Variants in PPP1R9A observed in about 807,000 individuals in gnomAD.
PPP1R9A encodes the protein neurabin-1.
Under a neutral mutation model 141.9 loss-of-function variants are expected in PPP1R9A, and 59 were observed. That is an observed-to-expected ratio of 0.42 (90% CI 0.34 to 0.52). PPP1R9A has a LOEUF of 0.52. Among genes scored for constraint, PPP1R9A ranks in the 20% least tolerant of loss-of-function variants. PPP1R9A has a pLI of 0.10. For missense variants in PPP1R9A, 1,444 were observed against 1,611.9 expected (o/e 0.90, Z 1.78); for synonymous variants, 500 against 569.7 (o/e 0.88, Z 1.74).
In PPP1R9A at chr7:94,954,859, GTGTGTA is replaced by G. The variant is rs1254876388; in HGVS notation, c.1395+43353_1395+43358del. On this transcript the variant is annotated intron_variant, in intron 2 of 19. Coordinates refer to ENST00000433360, the MANE Select transcript of PPP1R9A (RefSeq NM_001166160.2). ...CGTGTGTGTGTGTGTGTGTGTGTGT[GTGTGTA>G]TATGTATATGTCCACATATGTTTGT... Among the ~76,000 whole-genome samples the G allele has an allele frequency of 1.2e-4, 14 of 119,246 alleles. 1 individual carries two copies. In the East Asian group the frequency reaches 4.5e-3, roughly 38 times the overall value. The allele number at this position is 119,246 out of a possible 152,430, so 78.2% of individuals were successfully genotyped here.
At chr7:95,241,938 T>G (rs1797525973) in intron 8 of PPP1R9A, among the ~76,000 whole-genome samples, 1 of 152,104 alleles carries the variant, frequency 6.6e-6, no homozygotes, top group Admixed American at 6.6e-5. Context: ...AACAAGTTTA[T>G]GAGTACCTAC....
chr7:94,923,519 T>G (rs890856352), intron 2 of PPP1R9A, among the ~76,000 whole-genome samples: 1 of 152,162 alleles, frequency 6.6e-6, no homozygotes, highest in African/African-American at 2.4e-5. Context: ...CAGTTAAAAA[T>G]AGGATTTTGA....
At chr7:94,960,910 T>C (rs1439740694) in intron 2 of PPP1R9A, among the ~76,000 whole-genome samples, 2 of 151,770 alleles carry the variant, frequency 1.3e-5, no homozygotes, top group Non-Finnish European at 3.0e-5. Context: ...ATGTATTTAA[T>C]AGAAAAGCAA....
rs1833923330 is a variant in PPP1R9A at position 95,181,964 on chromosome 7, T to C, written c.1755-16385T>C. On this transcript the variant is annotated intron_variant, in intron 5 of 19. Coordinates refer to ENST00000433360, the MANE Select transcript of PPP1R9A (RefSeq NM_001166160.2). Reference sequence around the variant, plus strand: ...CAAACATTGTATGTTCTCACTGATATGTGGGGGCTAAGCTATGAGGATGTA... The same window carrying C: ...CAAACATTGTATGTTCTCACTGATACGTGGGGGCTAAGCTATGAGGATGTA... Among the ~76,000 whole-genome samples, 3 of 151,442 alleles carry C rather than the reference T, an allele frequency of 2.0e-5. No individual in the cohort carries two copies. In the South Asian group the frequency reaches 6.3e-4, roughly 32 times the overall value.
intron 5 of PPP1R9A, among the ~76,000 whole-genome samples, chr7:95,188,222 A>C (rs1191582679): frequency 6.6e-6 from 1 of 152,182 alleles, no homozygotes; most frequent in Non-Finnish European, 1.5e-5. Context: ...TAGTCCTTTC[A>C]TCATTGTATG....
At chr7:94,997,746 T>C (rs1333045150) in intron 2 of PPP1R9A, among the ~76,000 whole-genome samples, 1 of 152,156 alleles carries the variant, frequency 6.6e-6, no homozygotes, top group Non-Finnish European at 1.5e-5. Context: ...TTCTGGAGTT[T>C]TTCTCTGCCA....
chr7:95,253,442 T>C (rs796910303), intron 12 of PPP1R9A, among the ~76,000 whole-genome samples: 5 of 152,320 alleles, frequency 3.3e-5, no homozygotes, highest in African/African-American at 1.2e-4. Context: ...TAAAATGATA[T>C]CTAGAGATTT....
rs1225045991 is a variant in PPP1R9A at position 95,292,677 on chromosome 7, A to AT, written c.*2380dup. ...ATCATTTAGTATTATAAGTATTTTG[A>AT]TTTTTTAAGTTAAATTATAGTAATT... On this transcript the variant is annotated 3_prime_UTR_variant, in exon 20 of 20. Transcript: ENST00000433360. 1 of 152,130 alleles carries AT rather than the reference A, an allele frequency of 6.6e-6. No homozygotes were observed. The highest frequency in any genetic ancestry group is 1.5e-5 in the Non-Finnish European group (1 of 68,012). The allele number at this position is 152,130 out of a possible 1,614,324, so 9.4% of individuals were successfully genotyped here. A position where few individuals can be genotyped will look rare whatever the true frequency, so the allele number is the denominator to read the frequency against.
At chr7:95,050,039 T>A (rs1388964650) in intron 2 of PPP1R9A, among the ~76,000 whole-genome samples, 1 of 152,186 alleles carries the variant, frequency 6.6e-6, no homozygotes, top group Middle Eastern at 3.2e-3. Flanking sequence ...ATTGCTGGAT[T>A]GTATGGTTAG....
chr7:95,237,994 A>G (rs1024354269), intron 8 of PPP1R9A, among the ~76,000 whole-genome samples: 1 of 152,050 alleles, frequency 6.6e-6, no homozygotes, highest in African/African-American at 2.4e-5. Context: ...TTAAAGTTAT[A>G]CATTTGTATT....
At chr7:95,150,486 G>A (rs999592764) in intron 4 of PPP1R9A, among the ~76,000 whole-genome samples, 2 of 152,022 alleles carry the variant, frequency 1.3e-5, no homozygotes, top group African/African-American at 4.8e-5. Context: ...TGTATTTTCA[G>A]TAGAGACGGA....
intron 18 of PPP1R9A, chr7:95,287,047 A>T: frequency 6.6e-7 from 1 of 1,507,582 alleles, no homozygotes; most frequent in Non-Finnish European, 9.2e-7. Flanking sequence ...TGTACTATAT[A>T]TGTTGTGTCT....
chr7:94,986,557 A>G (rs187598864), intron 2 of PPP1R9A, among the ~76,000 whole-genome samples: 27 of 152,326 alleles, frequency 1.8e-4, no homozygotes, highest in Middle Eastern at 6.8e-3. Context: ...ACAGCAATGT[A>G]GGATGATTAT....
At chr7:95,154,890 A>T (rs1829336836) in intron 4 of PPP1R9A, 1 of 152,182 alleles carries the variant, frequency 6.6e-6, no homozygotes, top group Non-Finnish European at 1.5e-5. Context: ...CAAAGAATTT[A>T]AAAAATGCAA....
In PPP1R9A at chr7:95,217,288, G is replaced by T. The variant is rs141476853; in HGVS notation, c.1957-8673G>T. 4.6e-3 allele frequency among the ~76,000 whole-genome samples: 703 copies of T among 152,164 alleles called. 4 individuals carry two copies. Among genetic ancestry groups the T allele is most frequent in the African/African-American group, 0.015 (636 of 41,544 alleles). ...ATTACGTTTATTGATTTGCGTGTGAGGAACCAGCCTTGCATCCCAGTGATG... is the reference window on the plus strand; with the variant it reads ...ATTACGTTTATTGATTTGCGTGTGATGAACCAGCCTTGCATCCCAGTGATG... On this transcript the variant is annotated intron_variant, in intron 7 of 19. Coordinates refer to ENST00000433360, the MANE Select transcript of PPP1R9A (RefSeq NM_001166160.2).
intron 2 of PPP1R9A, among the ~76,000 whole-genome samples, chr7:95,035,466 CTG>C (rs1017124967): frequency 6.6e-6 from 1 of 152,086 alleles, no homozygotes; most frequent in African/African-American, 2.4e-5. Context: ...CTTGCCAAAT[CTG>C]TGGGAGTTTT....
chr7:95,200,704 G>GT (rs1789374683), intron 6 of PPP1R9A, among the ~76,000 whole-genome samples: 1 of 152,132 alleles, frequency 6.6e-6, no homozygotes, highest in African/African-American at 2.4e-5. Flanking sequence ...TTGTTTGCCT[G>GT]TTTTTGTAAA....
At chr7:94,937,651 C>T (rs1022382592) in intron 2 of PPP1R9A, among the ~76,000 whole-genome samples, 1 of 152,106 alleles carries the variant, frequency 6.6e-6, no homozygotes, top group African/African-American at 2.4e-5. Flanking sequence ...TTCCAAGTCT[C>T]TTGAGATAAT....
intron 8 of PPP1R9A, among the ~76,000 whole-genome samples, chr7:95,237,513 AATAAG>A (rs1796877289): frequency 6.6e-6 from 1 of 151,950 alleles, no homozygotes; most frequent in South Asian, 2.1e-4. Flanking sequence ...TTTATATATA[AATAAG>A]ATTAATAATA....
Sources: allele counts gnomAD v4.1 joint callset (sites outside exome capture counted in the v4.1 genomes callset), GRCh38; gene constraint gnomAD v4.1.1; transcripts MANE v1.5; gene names NCBI Gene and HGNC (gene_info 2026-07-23, HGNC 2026-07-21).